Variants in PLXDC2 observed in about 807,000 individuals in gnomAD.
The protein encoded by PLXDC2 is plexin domain containing 2.
Under a neutral mutation model 68.9 loss-of-function variants are expected in PLXDC2, and 40 were observed. The ratio of observed to expected loss-of-function variants is 0.58; its 90% CI spans 0.45 to 0.76. The LOEUF is 0.76. Among genes scored for constraint, PLXDC2 ranks in the 30% least tolerant of loss-of-function variants. PLXDC2 has a pLI of 0.00. For missense variants in PLXDC2, 644 were observed against 661.9 expected (o/e 0.97, Z 0.30); for synonymous variants, 243 against 234.2 (o/e 1.04, Z -0.34).
intron 1 of PLXDC2, among the ~76,000 whole-genome samples, chr10:19,926,769 C>T (rs1833543775): frequency 6.6e-6 from 1 of 152,122 alleles, no homozygotes; most frequent in Admixed American, 6.6e-5. Flanking sequence ...GTTTCAGTTA[C>T]TGAAATAAGA....
At chr10:19,908,904 A>G (rs1054109753) in intron 1 of PLXDC2, among the ~76,000 whole-genome samples, 1 of 152,182 alleles carries the variant, frequency 6.6e-6, no homozygotes, top group African/African-American at 2.4e-5. Context: ...GCATTGCTAT[A>G]TTAAGACCAC....
chr10:19,931,939 T>C (rs970642286), intron 1 of PLXDC2, among the ~76,000 whole-genome samples: 2 of 126,126 alleles, frequency 1.6e-5, no homozygotes, highest in African/African-American at 3.2e-5. Flanking sequence ...AGGAAATATC[T>C]TCTAATTTGG....
intron 13 of PLXDC2, among the ~76,000 whole-genome samples, chr10:20,261,231 G>A (rs941184829): frequency 2.0e-5 from 3 of 152,096 alleles, no homozygotes; most frequent in Non-Finnish European, 1.5e-5. Context: ...TTTGTTGCCT[G>A]AAGTTTCAGT....
At chr10:19,883,883 A>ATTTTTTTTTTTTTTT (rs1564618531) in intron 1 of PLXDC2, among the ~76,000 whole-genome samples, 1 of 41,904 alleles carries the variant, frequency 2.4e-5, no homozygotes, top group Non-Finnish European at 4.3e-5. Flanking sequence ...ATCCCTTTAA[A>ATTTTTTTTTTTTTTT]CTTTTTTTTT....
At chr10:20,123,649 G>A (rs1393508723) in intron 4 of PLXDC2, among the ~76,000 whole-genome samples, 1 of 151,982 alleles carries the variant, frequency 6.6e-6, no homozygotes, top group African/African-American at 2.4e-5. Flanking sequence ...CCATAGTGAA[G>A]GAGGCAAGCC....
intron 3 of PLXDC2, among the ~76,000 whole-genome samples, chr10:20,051,644 G>A (rs1227752123): frequency 3.3e-5 from 5 of 151,726 alleles, no homozygotes; most frequent in East Asian, 3.9e-4. Context: ...CTGACTCAGC[G>A]TAGAGCTTTG....
intron 1 of PLXDC2, among the ~76,000 whole-genome samples, chr10:19,939,490 T>C (rs1353611972): frequency 1.3e-5 from 2 of 152,100 alleles, no homozygotes. Context: ...ACATGATTTC[T>C]CCAAGATGCC....
chr10:19,863,184 C>A (rs1379875896), intron 1 of PLXDC2, among the ~76,000 whole-genome samples: 1 of 151,608 alleles, frequency 6.6e-6, no homozygotes, highest in Non-Finnish European at 1.5e-5. Context: ...GAATATTGTG[C>A]TATTATGTTT....
At chr10:20,000,328 A>G (rs748823086) in intron 1 of PLXDC2, among the ~76,000 whole-genome samples, 10 of 151,208 alleles carry the variant, frequency 6.6e-5, no homozygotes, top group Non-Finnish European at 1.5e-4. Context: ...AAAGAACACA[A>G]TGCTACATTT....
At chr10:20,212,501 T>C (rs903927775) in intron 10 of PLXDC2, among the ~76,000 whole-genome samples, 6 of 152,024 alleles carry the variant, frequency 3.9e-5, no homozygotes, top group African/African-American at 4.8e-5. Flanking sequence ...TCCTATAAAG[T>C]TTATGAAGAA....
chr10:19,956,429 C>G (rs545651806), intron 1 of PLXDC2, among the ~76,000 whole-genome samples: 2 of 152,082 alleles, frequency 1.3e-5, no homozygotes, highest in Non-Finnish European at 2.9e-5. Context: ...TTTAAATTTA[C>G]CTTTCAGAAA....
intron 1 of PLXDC2, among the ~76,000 whole-genome samples, chr10:19,835,413 T>C (rs1293317538): frequency 1.3e-5 from 2 of 152,190 alleles, no homozygotes; most frequent in Non-Finnish European, 2.9e-5. Context: ...TCTCATGTTT[T>C]CCAGGTGCTT....
intron 9 of PLXDC2, among the ~76,000 whole-genome samples, chr10:20,201,447 T>C (rs996260120): frequency 2.0e-5 from 3 of 151,990 alleles, no homozygotes; most frequent in East Asian, 1.9e-4. Context: ...ATATAAATTA[T>C]AGCTAGATAG....
At chr10:20,252,117 C>T (rs926666350) in intron 13 of PLXDC2, among the ~76,000 whole-genome samples, 11 of 152,100 alleles carry the variant, frequency 7.2e-5, no homozygotes, top group African/African-American at 1.7e-4. Flanking sequence ...GGACTGATAT[C>T]GTGCAAGGGC....
At chr10:20,106,077 A>T (rs756696838) in intron 4 of PLXDC2, among the ~76,000 whole-genome samples, 2 of 152,362 alleles carry the variant, frequency 1.3e-5, no homozygotes, top group South Asian at 4.1e-4. Context: ...GCCTCTAAGT[A>T]GTCACACAGC....
chr10:19,890,467 G>T (rs1417173954), intron 1 of PLXDC2, among the ~76,000 whole-genome samples: 1 of 150,022 alleles, frequency 6.7e-6, no homozygotes, highest in Non-Finnish European at 1.5e-5. Flanking sequence ...AGTTCCTGAT[G>T]TTTAGCTCCT....
intron 3 of PLXDC2, among the ~76,000 whole-genome samples, chr10:20,062,609 C>T (rs780154273): frequency 2.0e-5 from 3 of 152,020 alleles, no homozygotes; most frequent in African/African-American, 4.8e-5. Flanking sequence ...GTTCCATATA[C>T]TTCCATTAAA....
intron 1 of PLXDC2, among the ~76,000 whole-genome samples, chr10:19,947,703 CTTTCTT>C (rs1328957465): frequency 3.6e-5 from 4 of 110,042 alleles, no homozygotes; most frequent in East Asian, 2.5e-4. Flanking sequence ...TCTTTTCTTT[CTTTCTT>C]TTTTTTTTTT....
intron 1 of PLXDC2, among the ~76,000 whole-genome samples, chr10:19,916,174 G>C (rs1589534559): frequency 6.7e-6 from 1 of 148,684 alleles, no homozygotes; most frequent in Non-Finnish European, 1.5e-5. Flanking sequence ...TGTCACCTAG[G>C]CTGGAGTACA....
Sources: allele counts gnomAD v4.1 joint callset (sites outside exome capture counted in the v4.1 genomes callset), GRCh38; gene constraint gnomAD v4.1.1; transcripts MANE v1.5; gene names NCBI Gene and HGNC (gene_info 2026-07-23, HGNC 2026-07-21).